The following GLIS1 variants were observed in gnomAD, a reference collection of about 807,000 sequenced individuals.
GLIS1 encodes GLIS family zinc finger 1, also known as zinc finger protein GLIS1.
Under a neutral mutation model 63.8 loss-of-function variants are expected in GLIS1, and 24 were observed. That is an observed-to-expected ratio of 0.38 (90% CI 0.27 to 0.53). The LOEUF is 0.53. Among genes scored for constraint, GLIS1 ranks in the 20% least tolerant of loss-of-function variants. The pLI, the probability that GLIS1 is intolerant of heterozygous loss-of-function variation, is 0.85. For missense variants in GLIS1, 1,036 were observed against 1,074.1 expected (o/e 0.96, Z 0.50); for synonymous variants, 450 against 482.5 (o/e 0.93, Z 0.88).
At chr1:53,531,358 G>A (rs1037532879) in intron 4 of GLIS1, among the ~76,000 whole-genome samples, 3 of 152,220 alleles carry the variant, frequency 2.0e-5, no homozygotes, top group African/African-American at 4.8e-5. Flanking sequence ...CGTGTTACCC[G>A]AGGACTGGCG....
At chr1:53,575,916 T>C (rs993644050) in intron 4 of GLIS1, among the ~76,000 whole-genome samples, 7 of 152,104 alleles carry the variant, frequency 4.6e-5, no homozygotes, top group Non-Finnish European at 7.4e-5. Flanking sequence ...GGGGGTACAG[T>C]GGGCACGAAC....
At chr1:53,672,379 T>G (rs1159275920) in intron 2 of GLIS1, among the ~76,000 whole-genome samples, 2 of 152,228 alleles carry the variant, frequency 1.3e-5, no homozygotes, top group African/African-American at 2.4e-5. Context: ...CTCAGAGCTG[T>G]ATGGAGTTCC....
At chr1:53,648,865 G>T (rs1054117984) in intron 2 of GLIS1, among the ~76,000 whole-genome samples, 1 of 152,140 alleles carries the variant, frequency 6.6e-6, no homozygotes, top group African/African-American at 2.4e-5. Flanking sequence ...GCCATGAGTG[G>T]GGCTCTTCCG....
At chr1:53,528,047 C>T (rs917711956) in intron 5 of GLIS1, among the ~76,000 whole-genome samples, 32 of 152,200 alleles carry the variant, frequency 2.1e-4, no homozygotes, top group Middle Eastern at 3.4e-3. Flanking sequence ...GCAGGGAGGC[C>T]TGGCACTGTC....
At chr1:53,683,143 C>A (rs951947199) in intron 2 of GLIS1, among the ~76,000 whole-genome samples, 2 of 151,172 alleles carry the variant, frequency 1.3e-5, no homozygotes, top group African/African-American at 2.4e-5. Flanking sequence ...TCAGTCCTGG[C>A]ATATGGAGTC....
intron 2 of GLIS1, among the ~76,000 whole-genome samples, chr1:53,664,788 A>G (rs1475953353): frequency 6.6e-6 from 1 of 152,212 alleles, no homozygotes; most frequent in Non-Finnish European, 1.5e-5. Flanking sequence ...GGAAGACTCC[A>G]AGAGGCTGGT....
At position 53,509,984 on chromosome 1, in the gene GLIS1, CCT is replaced by C; in HGVS notation, c.1925_1926del (p.Lys642ArgfsTer68). 2 of 1,289,146 alleles carry C rather than the reference CCT, an allele frequency of 1.6e-6. No homozygotes were observed. The highest frequency in any genetic ancestry group is 2.0e-6 in the Non-Finnish European group (2 of 1,010,348). 79.9% of individuals were successfully genotyped at this position (1,289,146 alleles called of 1,614,324 possible). On this transcript the variant is annotated frameshift_variant, in exon 9 of 11. Transcript: ENST00000628545. LOFTEE classifies it high-confidence loss of function. ...GGGGGCAGCGGCGGTGGCCCCAGCC[CCT>C]TCAGGGGGCTGACTATTGGTGAGAG... Reference protein sequence around the residue: ...GLLSPIVSPLKGLGPPPLPPS... With the variant: ...GLLSPIVSPLXGLGPPPLPPS...
At chr1:53,688,878 G>C (rs1427211907) in intron 2 of GLIS1, 1 of 152,268 alleles carries the variant, frequency 6.6e-6, no homozygotes, top group Non-Finnish European at 1.5e-5. Context: ...GGGGCACCTT[G>C]AGGACACCTG....
At chr1:53,592,499 AGGGTCTC>A (rs1003460409) in intron 4 of GLIS1, among the ~76,000 whole-genome samples, 7 of 152,110 alleles carry the variant, frequency 4.6e-5, no homozygotes, top group African/African-American at 1.7e-4. Context: ...TGTCAGCTCC[AGGGTCTC>A]GGGGAGATAT....
Position 53,506,248 on chromosome 1 carries a change from G to A in GLIS1, c.*371C>T, listed in dbSNP as rs1644229777. On this transcript the variant is annotated 3_prime_UTR_variant, in exon 11 of 11. Transcript: ENST00000628545. ...ACGAGGACTTCACATCTCCTTTCCA[G>A]TTTTTAATGTTTTTTCTTGTAAAAC... The A allele has an allele frequency of 8.9e-6, 2 of 224,190 alleles. No homozygotes were observed. Among genetic ancestry groups the A allele is most frequent in the Non-Finnish European group, 1.8e-5 (2 of 112,590 alleles). The allele number at this position is 224,190 out of a possible 1,614,324, so 13.9% of individuals were successfully genotyped here.
At chr1:53,670,628 T>A (rs1197701888) in intron 2 of GLIS1, among the ~76,000 whole-genome samples, 5 of 152,196 alleles carry the variant, frequency 3.3e-5, no homozygotes, top group Non-Finnish European at 7.3e-5. Flanking sequence ...GTGATAGGAT[T>A]CAAATTGCTT....
At chr1:53,655,955 T>A (rs1393066370) in intron 2 of GLIS1, among the ~76,000 whole-genome samples, 1 of 152,112 alleles carries the variant, frequency 6.6e-6, no homozygotes, top group East Asian at 1.9e-4. Context: ...TTGTCTAAGA[T>A]CCCAGATAGA....
chr1:53,663,777 C>T (rs200330204), intron 2 of GLIS1, among the ~76,000 whole-genome samples: 226 of 152,348 alleles, frequency 1.5e-3, no homozygotes, highest in African/African-American at 5.2e-3. Context: ...CAGGACAAAA[C>T]GTTCCAAGGC....
chr1:53,729,909 A>T (rs1443571302), intron 2 of GLIS1, among the ~76,000 whole-genome samples: 1 of 152,264 alleles, frequency 6.6e-6, no homozygotes, highest in East Asian at 1.9e-4. Flanking sequence ...TTTGCACTCA[A>T]ATAAGATAAA....
intron 2 of GLIS1, among the ~76,000 whole-genome samples, chr1:53,627,384 G>A (rs912327838): frequency 7.9e-5 from 12 of 152,136 alleles, no homozygotes; most frequent in African/African-American, 1.7e-4. Flanking sequence ...AGTTATCTGC[G>A]CTTGTGGAGA....
intron 2 of GLIS1, among the ~76,000 whole-genome samples, chr1:53,666,038 A>T (rs1646087789): frequency 6.6e-6 from 1 of 152,162 alleles, no homozygotes; most frequent in South Asian, 2.1e-4. Context: ...CACAAATTTA[A>T]AAAGTGGGAG....
At chr1:53,731,343 G>A (rs1169545615) in intron 2 of GLIS1, among the ~76,000 whole-genome samples, 5 of 152,160 alleles carry the variant, frequency 3.3e-5, no homozygotes, top group East Asian at 3.8e-4. Context: ...CCTGTAAGTC[G>A]CACCTCAGCC....
rs529277956 is a variant in GLIS1 at position 53,615,105 on chromosome 1, C to T, written c.260-14827G>A. ...TAGACGGTGGTCCTCTAACTCAGCA[C>T]AGACCCTCCCCCAGGGTCTGTGAAT... On this transcript the variant is annotated intron_variant, in intron 2 of 10. Coordinates refer to ENST00000628545, the MANE Select transcript of GLIS1 (RefSeq NM_001367484.1). Among the ~76,000 whole-genome samples, 163 of 152,234 alleles carry T rather than the reference C, an allele frequency of 1.1e-3. 1 individual carries two copies. The highest frequency in any genetic ancestry group is 7.4e-5 in the Non-Finnish European group (5 of 68,018).
At chr1:53,512,499 C>A (rs1644306787) in intron 8 of GLIS1, among the ~76,000 whole-genome samples, 1 of 152,176 alleles carries the variant, frequency 6.6e-6, no homozygotes, top group Non-Finnish European at 1.5e-5. Flanking sequence ...CCCAGCAAAC[C>A]ACTGGGGAGC....
Sources: gnomAD v4.1 joint callset for allele counts (sites outside exome capture counted in the v4.1 genomes callset) on GRCh38, gnomAD v4.1.1 for gene constraint, MANE v1.5 for transcripts, NCBI Gene and HGNC (gene_info 2026-07-23, HGNC 2026-07-21) for gene names.